Variants in CWC27 observed in about 807,000 individuals in gnomAD.
CWC27 encodes CWC27 spliceosome associated cyclophilin, also known as spliceosome-associated protein CWC27 homolog.
CWC27 carries 47 observed loss-of-function variants against 63.6 expected under a neutral mutation model. The observed-to-expected ratio is 0.74, with a 90% CI of 0.58 to 0.94. CWC27 has a LOEUF of 0.94. Ranked by LOEUF, CWC27 falls within the 40% of genes least tolerant of loss-of-function variation. The probability of loss-of-function intolerance (pLI) is 0.00; values close to 1 mark genes in which losing one functional copy is unlikely to be tolerated. For synonymous variants in CWC27, 175 were observed against 179.8 expected (o/e 0.97, Z 0.22); for missense variants, 495 against 554.3 (o/e 0.89, Z 1.07).
chr5:64,913,339 A>G (rs1303740677), intron 11 of CWC27, among the ~76,000 whole-genome samples: 1 of 152,054 alleles, frequency 6.6e-6, no homozygotes. Context: ...CTTTTATTCA[A>G]CATTATTATA....
At chr5:64,849,829 G>A (rs1746089179) in intron 10 of CWC27, among the ~76,000 whole-genome samples, 1 of 152,082 alleles carries the variant, frequency 6.6e-6, no homozygotes, top group African/African-American at 2.4e-5. Flanking sequence ...GTCACCTGGT[G>A]AAGAAGGTGC....
chr5:64,781,845 C>G, intron 2 of CWC27, 76 bp from the exon 3 acceptor site: 1 of 644,204 alleles, frequency 1.6e-6, no homozygotes. Context: ...TCTTTTGACT[C>G]TAGCTGTATT....
intron 11 of CWC27, 45 bp downstream of exon 11, chr5:64,885,591 T>G (rs1163180958): frequency 1.4e-6 from 2 of 1,389,932 alleles, no homozygotes; most frequent in Admixed American, 2.0e-5. Context: ...ATACTCCTCC[T>G]TCTCTGTTTT....
chr5:64,883,119 G>A (rs570116785), intron 10 of CWC27, among the ~76,000 whole-genome samples: 1 of 152,288 alleles, frequency 6.6e-6, no homozygotes, highest in East Asian at 1.9e-4. Context: ...AGTGCCAGCA[G>A]TGGAAATACC....
chr5:64,867,381 G>C (rs1259879224), intron 10 of CWC27, among the ~76,000 whole-genome samples: 2 of 152,060 alleles, frequency 1.3e-5, no homozygotes, highest in East Asian at 3.8e-4. Flanking sequence ...AGATATTACA[G>C]TGTGAATTTT....
At chr5:64,999,679 T>A (rs1749697437) in intron 13 of CWC27, among the ~76,000 whole-genome samples, 1 of 152,152 alleles carries the variant, frequency 6.6e-6, no homozygotes. Context: ...ATTCTTTTTT[T>A]ATGGCCAAAT....
intron 11 of CWC27, among the ~76,000 whole-genome samples, chr5:64,932,950 C>T (rs1029978345): frequency 1.3e-5 from 2 of 152,034 alleles, no homozygotes; most frequent in Non-Finnish European, 2.9e-5. Context: ...TTTATTATTC[C>T]TCTTTTCACA....
chr5:64,966,198 AAT>A lies in CWC27; in HGVS notation c.1043-5503_1043-5502del, dbSNP rs566804925. On this transcript the variant is annotated intron_variant, in intron 11 of 13. Coordinates refer to ENST00000381070, the MANE Select transcript of CWC27 (RefSeq NM_005869.4). ...AGCTTCATAATCTAGCAAAAAAAAAAATAGTTTCCCTTTTCCCTCCATCAATG... is the reference window on the plus strand; with the variant it reads ...AGCTTCATAATCTAGCAAAAAAAAAAAGTTTCCCTTTTCCCTCCATCAATG... 1.8e-3 allele frequency among the ~76,000 whole-genome samples: 279 copies of A among 152,276 alleles called. 1 individual carries two copies. Among genetic ancestry groups the A allele is most frequent in the Non-Finnish European group, 3.2e-3 (220 of 67,974 alleles).
chr5:64,869,358 A>T (rs908599695), intron 10 of CWC27, among the ~76,000 whole-genome samples: 1 of 152,094 alleles, frequency 6.6e-6, no homozygotes, highest in Non-Finnish European at 1.5e-5. Context: ...TAGCTAAATT[A>T]AAAATATGTT....
intron 10 of CWC27, among the ~76,000 whole-genome samples, chr5:64,866,342 A>G (rs1455498232): frequency 2.6e-5 from 4 of 152,076 alleles, no homozygotes; most frequent in Non-Finnish European, 5.9e-5. Flanking sequence ...ATTCTTTTCT[A>G]AATATGGCAT....
chr5:64,961,193 C>T (rs981811482), intron 11 of CWC27, among the ~76,000 whole-genome samples: 17 of 152,190 alleles, frequency 1.1e-4, no homozygotes, highest in South Asian at 2.1e-4. Context: ...TGCAGTCTTA[C>T]AAACTAAGAG....
chr5:64,803,490 G>C (rs905538216), intron 9 of CWC27, among the ~76,000 whole-genome samples: 3 of 152,130 alleles, frequency 2.0e-5, no homozygotes, highest in Non-Finnish European at 4.4e-5. Context: ...TAAGTACTTT[G>C]GAAAATAAGC....
At chr5:64,838,774 T>C (rs2112275321) in intron 10 of CWC27, among the ~76,000 whole-genome samples, 1 of 152,270 alleles carries the variant, frequency 6.6e-6, no homozygotes, top group South Asian at 2.1e-4. Flanking sequence ...TCTTGATTAT[T>C]TTATGTTAGA....
chr5:64,901,209 A>G (rs955399850), intron 11 of CWC27, among the ~76,000 whole-genome samples: 5 of 152,166 alleles, frequency 3.3e-5, no homozygotes, highest in Admixed American at 3.3e-4. Flanking sequence ...GTATTTAAAC[A>G]TATCTAAACA....
chr5:64,938,240 T>A (rs1169550858), intron 11 of CWC27, among the ~76,000 whole-genome samples: 2 of 152,226 alleles, frequency 1.3e-5, no homozygotes, highest in African/African-American at 4.8e-5. Context: ...CAGTGGCTGA[T>A]ACCGGTTTTT....
intron 13 of CWC27, among the ~76,000 whole-genome samples, chr5:65,013,912 A>G (rs1750007162): frequency 6.6e-6 from 1 of 152,146 alleles, no homozygotes; most frequent in Admixed American, 6.6e-5. Context: ...ATATTAGACT[A>G]CTTATTGTGT....
intron 7 of CWC27, among the ~76,000 whole-genome samples, chr5:64,793,679 T>A (rs1744155193): frequency 6.6e-6 from 1 of 152,178 alleles, no homozygotes; most frequent in Admixed American, 6.6e-5. Context: ...TGACTAAGAA[T>A]AATTTGCAGT....
chr5:64,777,140 G>C (rs1159866218), intron 2 of CWC27, among the ~76,000 whole-genome samples: 1 of 152,108 alleles, frequency 6.6e-6, no homozygotes, highest in East Asian at 1.9e-4. Context: ...AGCAGAGGGA[G>C]AAGTGGATAA....
At chr5:64,897,195 GA>G (rs1274175534) in intron 11 of CWC27, among the ~76,000 whole-genome samples, 1 of 152,088 alleles carries the variant, frequency 6.6e-6, no homozygotes, top group Non-Finnish European at 1.5e-5. Context: ...TGAGAATCTA[GA>G]AGTAGAAATA....
Sources: allele counts gnomAD v4.1 joint callset (sites outside exome capture counted in the v4.1 genomes callset), GRCh38; gene constraint gnomAD v4.1.1; transcripts MANE v1.5; gene names NCBI Gene and HGNC (gene_info 2026-07-23, HGNC 2026-07-21).